ADGRA3: variants seen among roughly 807,000 people sequenced by gnomAD.
The protein encoded by ADGRA3 is adhesion G protein-coupled receptor A3.
ADGRA3 carries 56 observed loss-of-function variants against 119.8 expected under a neutral mutation model. The ratio of observed to expected loss-of-function variants is 0.47; its 90% CI spans 0.38 to 0.58. ADGRA3 has a LOEUF of 0.58. Among genes scored for constraint, ADGRA3 ranks in the 20% least tolerant of loss-of-function variants. The pLI is 0.00. For synonymous variants in ADGRA3, 607 were observed against 623.8 expected, an observed-to-expected ratio of 0.97 and a Z score of 0.40; for missense variants, 1,516 against 1,649.0, an observed-to-expected ratio of 0.92 and a Z score of 1.40.
chr4:22,408,086 A>G (rs1037237989), intron 14 of ADGRA3, among the ~76,000 whole-genome samples: 1 of 152,106 alleles, frequency 6.6e-6, no homozygotes, highest in Admixed American at 6.5e-5. Flanking sequence ...CTTTTTCCCC[A>G]CTAAGGAACA....
intron 1 of ADGRA3, among the ~76,000 whole-genome samples, chr4:22,500,818 C>T (rs1260561459): frequency 1.3e-5 from 2 of 152,258 alleles, no homozygotes; most frequent in Non-Finnish European, 2.9e-5. Context: ...CCTCCCTAAT[C>T]CACTTTGGGG....
intron 6 of ADGRA3, 88 bp downstream of exon 6, chr4:22,444,885 A>G (rs1206509683): frequency 1.5e-6 from 2 of 1,335,472 alleles, no homozygotes; most frequent in African/African-American, 1.4e-5. Flanking sequence ...CTGTCCAAGT[A>G]TAAAGAGAAT....
chr4:22,483,871 G>A (rs1718331679), intron 1 of ADGRA3, among the ~76,000 whole-genome samples: 1 of 152,174 alleles, frequency 6.6e-6, no homozygotes, highest in African/African-American at 2.4e-5. Context: ...TTGAGGAGAG[G>A]CTGGAGGGAT....
At chr4:22,440,804 GTGA>G (rs1177125503) in intron 7 of ADGRA3, among the ~76,000 whole-genome samples, 3 of 152,144 alleles carry the variant, frequency 2.0e-5, no homozygotes, top group Admixed American at 1.3e-4. Flanking sequence ...AGTGTACAAT[GTGA>G]TGAATTCTGA....
At chr4:22,463,705 T>C (rs935802486) in intron 2 of ADGRA3, among the ~76,000 whole-genome samples, 4 of 152,306 alleles carry the variant, frequency 2.6e-5, no homozygotes, top group Non-Finnish European at 5.9e-5. Flanking sequence ...TCTAGCAATA[T>C]AGAAAAAGTT....
rs1296147043 is a variant in ADGRA3 at position 22,424,362 on chromosome 4, G to A, written c.1444-10C>T. The A allele has an allele frequency of 6.2e-7, 1 of 1,605,926 alleles. No homozygotes were observed. The highest frequency in any genetic ancestry group is 8.5e-7 in the Non-Finnish European group (1 of 1,175,378). On this transcript the variant is annotated splice_polypyrimidine_tract_variant and intron_variant, in intron 10 of 18. Transcript: ENST00000334304. ...CCATCACGTCACCTAGCTAGCAGGG[G>A]TTCAGGAGAAAAAAGAAAGATCTTT...
chr4:22,442,751 C>T lies in ADGRA3; in HGVS notation c.819G>A (p.Met273Ile), dbSNP rs372445132. Reference protein sequence around the residue: ...QCMASYIDQDMQVLWYQDGRI... With the variant: ...QCMASYIDQDIQVLWYQDGRI... The stretch of plus-strand genomic sequence containing the variant: ...TCCCATCCTGATACCACAACACTTG[C>T]ATGTCCTGATCAATATATGAAGCCA... Residue 273 changes from methionine (M) to isoleucine (I), a missense_variant, in exon 7 of 19, where the codon ATG becomes ATA. By Grantham distance (10) the Met-to-Ile change is conservative (BLOSUM62 1). Coordinates refer to ENST00000334304, the MANE Select transcript of ADGRA3 (RefSeq NM_145290.4). 1.9e-6 allele frequency: 3 copies of T among 1,611,926 alleles called. No homozygotes were observed. The highest frequency in any genetic ancestry group is 1.3e-5 in the African/African-American group (1 of 74,842).
At chr4:22,503,506 A>G (rs61793416) in intron 1 of ADGRA3, among the ~76,000 whole-genome samples, 5,968 of 152,310 alleles carry the variant, frequency 0.039, 159 homozygotes, top group African/African-American at 0.067. Context: ...ATATCTCCAT[A>G]CTTGCTCTTT....
chr4:22,484,302 T>C (rs1280930533), intron 1 of ADGRA3, among the ~76,000 whole-genome samples: 2 of 152,100 alleles, frequency 1.3e-5, no homozygotes, highest in Non-Finnish European at 2.9e-5. Context: ...TGAAATTATT[T>C]TCAAATAAAA....
At chr4:22,510,863 G>C (rs944091234) in intron 1 of ADGRA3, among the ~76,000 whole-genome samples, 56 of 152,188 alleles carry the variant, frequency 3.7e-4, no homozygotes, top group Non-Finnish European at 1.2e-4. Context: ...TACTTAATGA[G>C]GGATAGTCTT....
intron 1 of ADGRA3, among the ~76,000 whole-genome samples, chr4:22,491,372 A>C (rs1249707359): frequency 1.3e-5 from 2 of 152,344 alleles, no homozygotes; most frequent in East Asian, 3.9e-4. Context: ...GTTTTTATTG[A>C]CAAAAATCAA....
intron 1 of ADGRA3, among the ~76,000 whole-genome samples, chr4:22,490,248 A>C (rs1431965227): frequency 1.8e-5 from 2 of 113,856 alleles, no homozygotes; most frequent in African/African-American, 5.2e-5. Flanking sequence ...CCTAAAAATG[A>C]AAAACTGTTT....
intron 15 of ADGRA3, 98 bp downstream of exon 15, chr4:22,402,577 C>A (rs1360450542): frequency 8.2e-7 from 1 of 1,223,072 alleles, no homozygotes; most frequent in Non-Finnish European, 1.2e-6. Flanking sequence ...TTTGGAAATA[C>A]AGGATGATAA....
chr4:22,424,159 T>C lies in ADGRA3; in HGVS notation c.1605+32A>G, dbSNP rs373486996. On this transcript the variant is annotated intron_variant, in intron 11 of 18. Coordinates refer to ENST00000334304, the MANE Select transcript of ADGRA3 (RefSeq NM_145290.4). ...GAGAGCTGTGTGAAATGCACTTTTT[T>C]TCTCAGGAGTCTATGATAATGTTAC... The C allele has an allele frequency of 1.8e-5, 29 of 1,568,206 alleles. No individual in the cohort carries two copies. In the African/African-American group the frequency reaches 3.2e-4, roughly 18 times the overall value.
intron 6 of ADGRA3, among the ~76,000 whole-genome samples, chr4:22,444,435 G>A (rs769881666): frequency 6.6e-6 from 1 of 152,130 alleles, no homozygotes; most frequent in East Asian, 1.9e-4. Flanking sequence ...ACAGTCACCT[G>A]CCACCATGCT....
intron 1 of ADGRA3, among the ~76,000 whole-genome samples, chr4:22,484,720 G>T (rs760686376): frequency 6.6e-6 from 1 of 152,014 alleles, no homozygotes; most frequent in Non-Finnish European, 1.5e-5. Flanking sequence ...CTAAGGAAGT[G>T]GCATTTCACT....
intron 14 of ADGRA3, among the ~76,000 whole-genome samples, chr4:22,405,103 A>G (rs573267038): frequency 8.3e-4 from 127 of 152,322 alleles, no homozygotes; most frequent in African/African-American, 3.0e-3. Context: ...AAGGGGTAGA[A>G]GAAAGGTGGT....
At position 22,444,969 on chromosome 4, in the gene ADGRA3, T is replaced by C; in HGVS notation, c.706+4A>G. On this transcript the variant is annotated splice_donor_region_variant and intron_variant, in intron 6 of 18. Transcript: ENST00000334304. Reference sequence around the variant, plus strand: ...TGCTTTCTCAGTTTGGATTTCTCCCTTACCGCATGTCAACAGCTCCTGCTT... The same window carrying C: ...TGCTTTCTCAGTTTGGATTTCTCCCCTACCGCATGTCAACAGCTCCTGCTT... The C allele has an allele frequency of 1.9e-6, 3 of 1,612,636 alleles. No homozygotes were observed. The highest frequency in any genetic ancestry group is 2.5e-6 in the Non-Finnish European group (3 of 1,179,826).
intron 3 of ADGRA3, among the ~76,000 whole-genome samples, chr4:22,461,491 G>A (rs538473533): frequency 9.5e-4 from 145 of 152,256 alleles, no homozygotes; most frequent in African/African-American, 3.3e-3. Context: ...GTAGAGACGG[G>A]GTTTCACCAC....
Sources: gnomAD v4.1 joint callset for allele counts (sites outside exome capture counted in the v4.1 genomes callset) on GRCh38, gnomAD v4.1.1 for gene constraint, MANE v1.5 for transcripts, NCBI Gene and HGNC (gene_info 2026-07-23, HGNC 2026-07-21) for gene names.